The following WDFY3 variants were observed in gnomAD, a reference collection of about 807,000 sequenced individuals.
WDFY3 encodes WD repeat and FYVE domain containing 3.
A neutral mutation model predicts 409.6 loss-of-function variants in WDFY3; 66 were observed. The observed-to-expected ratio is 0.16, with a 90% CI of 0.13 to 0.20. WDFY3 has a LOEUF of 0.20. Ranked by LOEUF, WDFY3 falls within the 10% of genes least tolerant of loss-of-function variation. The probability of loss-of-function intolerance (pLI) is 1.00; values close to 1 mark genes in which losing one functional copy is unlikely to be tolerated. For missense variants in WDFY3, 3,031 were observed against 4,298.1 expected, an observed-to-expected ratio of 0.71 and a Z score of 8.24; for synonymous variants, 1,521 against 1,537.1, an observed-to-expected ratio of 0.99 and a Z score of 0.25.
chr4:84,759,122 G>A (rs1031516171), intron 32 of WDFY3, among the ~76,000 whole-genome samples: 2 of 152,032 alleles, frequency 1.3e-5, no homozygotes, highest in East Asian at 1.9e-4. Flanking sequence ...GTAGATATGC[G>A]GCGTTATTTC....
chr4:84,708,780 A>C, intron 53 of WDFY3, 129 bp downstream of exon 53: 1 of 965,056 alleles, frequency 1.0e-6, no homozygotes, highest in Non-Finnish European at 1.5e-6. Flanking sequence ...GGCTCAAGTG[A>C]TTCGCCTCTC....
intron 3 of WDFY3, chr4:84,879,548 T>C (rs994737753): frequency 6.6e-6 from 1 of 152,034 alleles, no homozygotes; most frequent in African/African-American, 2.4e-5. Flanking sequence ...AAGAAAATGC[T>C]GGAAAGTACA....
intron 1 of WDFY3, among the ~76,000 whole-genome samples, chr4:84,945,375 T>A (rs1772685137): frequency 6.6e-6 from 1 of 152,198 alleles, no homozygotes; most frequent in African/African-American, 2.4e-5. Context: ...TGATGGCTGC[T>A]TTTCACTATA....
At chr4:84,916,994 T>C (rs1251655076) in intron 2 of WDFY3, among the ~76,000 whole-genome samples, 2 of 152,070 alleles carry the variant, frequency 1.3e-5, no homozygotes, top group Admixed American at 6.6e-5. Flanking sequence ...CACAAAAACA[T>C]ATACATGAAA....
At chr4:84,875,058 A>G (rs556615081) in intron 3 of WDFY3, among the ~76,000 whole-genome samples, 10 of 152,218 alleles carry the variant, frequency 6.6e-5, no homozygotes, top group Middle Eastern at 3.4e-3. Context: ...TCATGAGGTC[A>G]GGAATTTGAG....
intron 56 of WDFY3, among the ~76,000 whole-genome samples, chr4:84,701,025 G>C (rs1463922943): frequency 6.6e-6 from 1 of 152,234 alleles, no homozygotes; most frequent in Non-Finnish European, 1.5e-5. Flanking sequence ...CACGAGAATT[G>C]CTTGAACCTG....
At chr4:84,702,568 A>C (rs1329730783) in intron 55 of WDFY3, 62 bp from the exon 56 acceptor site, 2 of 1,401,202 alleles carry the variant, frequency 1.4e-6, no homozygotes, top group East Asian at 5.1e-5. Context: ...GCTTCTGTCA[A>C]GTTCAAGAGC....
intron 3 of WDFY3, among the ~76,000 whole-genome samples, chr4:84,868,000 C>G (rs1345398234): frequency 6.6e-6 from 1 of 151,640 alleles, no homozygotes; most frequent in Non-Finnish European, 1.5e-5. Context: ...GAAACCCTGT[C>G]TCTACTAAAA....
chr4:84,939,029 T>C (rs1432011492), intron 1 of WDFY3, among the ~76,000 whole-genome samples: 13 of 152,170 alleles, frequency 8.5e-5, no homozygotes, highest in Non-Finnish European at 2.9e-5. Context: ...AATAACATCC[T>C]GCATGGTATA....
intron 36 of WDFY3, 83 bp from the exon 37 acceptor site, chr4:84,743,882 T>A (rs1312797505): frequency 6.3e-6 from 5 of 787,852 alleles, no homozygotes; most frequent in Non-Finnish European, 7.1e-6. Flanking sequence ...ACCTAATATA[T>A]TAAAAAGATT....
chr4:84,677,132 G>A, intron 67 of WDFY3, 67 bp downstream of exon 67: 1 of 1,578,170 alleles, frequency 6.3e-7, no homozygotes, highest in African/African-American at 1.3e-5. Flanking sequence ...GAACCTGTGT[G>A]CAGGACATAA....
intron 15 of WDFY3, among the ~76,000 whole-genome samples, chr4:84,806,264 A>C (rs1479483871): frequency 6.6e-6 from 1 of 152,186 alleles, no homozygotes; most frequent in African/African-American, 2.4e-5. Context: ...CTAGCTTATG[A>C]TTCTTACCAT....
intron 47 of WDFY3, among the ~76,000 whole-genome samples, chr4:84,719,168 C>G (rs1346242436): frequency 1.3e-5 from 2 of 152,168 alleles, no homozygotes; most frequent in East Asian, 3.9e-4. Flanking sequence ...CTGTTCCACA[C>G]AGTTTACCTT....
At chr4:84,714,213 T>C (rs1007334930) in intron 50 of WDFY3, among the ~76,000 whole-genome samples, 1 of 152,148 alleles carries the variant, frequency 6.6e-6, no homozygotes, top group African/African-American at 2.4e-5. Flanking sequence ...CTTGACCTCC[T>C]GGGCTTAAGC....
At position 84,789,725 on chromosome 4, in the gene WDFY3, C is replaced by T. The variant is rs201641869; in HGVS notation, c.3669+1G>A. The T allele has an allele frequency of 6.2e-7, 1 of 1,613,310 alleles. No individual in the cohort carries two copies. The highest frequency in any genetic ancestry group is 8.5e-7 in the Non-Finnish European group (1 of 1,179,722). On this transcript the variant is annotated splice_donor_variant, in intron 22 of 67. Coordinates refer to ENST00000295888, the MANE Select transcript of WDFY3 (RefSeq NM_014991.6). LOFTEE classifies it high-confidence loss of function. ...AGATTTACAAGTGCACATACACTTA[C>T]CTTTACAGTGTTAACAAGCTGTCCA...
intron 7 of WDFY3, among the ~76,000 whole-genome samples, chr4:84,833,325 C>T (rs1756032653): frequency 6.6e-6 from 1 of 152,090 alleles, no homozygotes; most frequent in Non-Finnish European, 1.5e-5. Flanking sequence ...TAACTCATGA[C>T]ATCATTTTAT....
intron 56 of WDFY3, among the ~76,000 whole-genome samples, chr4:84,697,533 G>C (rs1730332447): frequency 6.6e-6 from 1 of 152,120 alleles, no homozygotes; most frequent in African/African-American, 2.4e-5. Flanking sequence ...CTTATTTTAA[G>C]TGATAGCCAA....
intron 53 of WDFY3, among the ~76,000 whole-genome samples, chr4:84,707,936 C>T (rs1732248298): frequency 6.6e-6 from 1 of 152,154 alleles, no homozygotes; most frequent in South Asian, 2.1e-4. Flanking sequence ...TATCTTTCCC[C>T]TTAATATGTT....
intron 53 of WDFY3, 132 bp downstream of exon 53, chr4:84,708,777 G>C: frequency 1.1e-6 from 1 of 937,308 alleles, no homozygotes; most frequent in Non-Finnish European, 1.6e-6. Context: ...CTGGGCTCAA[G>C]TGATTCGCCT....
Sources: allele counts gnomAD v4.1 joint callset (sites outside exome capture counted in the v4.1 genomes callset), GRCh38; gene constraint gnomAD v4.1.1; transcripts MANE v1.5; gene names NCBI Gene and HGNC (gene_info 2026-07-23, HGNC 2026-07-21).